Variants in KCNK3 observed in about 807,000 individuals in gnomAD.
The protein encoded by KCNK3 is potassium two pore domain channel subfamily K member 3.
In KCNK3, 9 loss-of-function variants were observed where a neutral mutation model predicts 27.3. That is an observed-to-expected ratio of 0.33 (90% CI 0.20 to 0.57). The LOEUF (loss-of-function observed/expected upper bound fraction) is 0.57, where lower values mean the gene tolerates loss of function less well. KCNK3 is among the 20% of genes least tolerant of loss of function. The probability of loss-of-function intolerance (pLI) is 0.87; values close to 1 mark genes in which losing one functional copy is unlikely to be tolerated. For synonymous variants in KCNK3, 278 were observed against 273.8 expected, an observed-to-expected ratio of 1.02 and a Z score of -0.15; for missense variants, 391 against 577.7, an observed-to-expected ratio of 0.68 and a Z score of 3.31.
chr2:26,711,541 C>T (rs935033837), intron 1 of KCNK3, among the ~76,000 whole-genome samples: 4 of 152,078 alleles, frequency 2.6e-5, no homozygotes, highest in African/African-American at 9.7e-5. Flanking sequence ...TGAAGGGAGG[C>T]AGTATAGGGG....
intron 1 of KCNK3, among the ~76,000 whole-genome samples, chr2:26,696,891 T>C (rs1670241806): frequency 6.6e-6 from 1 of 152,186 alleles, no homozygotes; most frequent in African/African-American, 2.4e-5. Context: ...TTCTACTTGT[T>C]CAGGATACTT....
rs1458033395 is a variant in KCNK3, at chr2:26,729,263, T to G, written c.*695T>G. 6.6e-6 allele frequency: 1 copy of G among 152,314 alleles called. No homozygotes were observed. Among genetic ancestry groups the G allele is most frequent in the Non-Finnish European group, 1.5e-5 (1 of 68,060 alleles). 9.4% of individuals were successfully genotyped at this position (152,314 alleles called of 1,614,324 possible). A position where few individuals can be genotyped will look rare whatever the true frequency, so the allele number is the denominator to read the frequency against. ...GGTCGCACTGGAGGTTCAAGCTAAC[T>G]GGCCTCCAGCCACATTCTCATAGCA... On this transcript the variant is annotated 3_prime_UTR_variant, in exon 2 of 2. Transcript: ENST00000302909.
intron 1 of KCNK3, among the ~76,000 whole-genome samples, chr2:26,714,231 TG>T (rs1663183746): frequency 6.6e-6 from 1 of 151,878 alleles, no homozygotes; most frequent in Non-Finnish European, 1.5e-5. Flanking sequence ...TAGCAAGAGA[TG>T]GGCTCAGAGA....
At chr2:26,709,781 C>A (rs1663070217) in intron 1 of KCNK3, among the ~76,000 whole-genome samples, 1 of 152,196 alleles carries the variant, frequency 6.6e-6, no homozygotes, top group Non-Finnish European at 1.5e-5. Context: ...ATCCCTCAAG[C>A]AAATGAGGCC....
rs1176519224 is a variant in KCNK3, at chr2:26,692,778, G to A, written c.-98G>A. 6 of 635,200 alleles carry A rather than the reference G, an allele frequency of 9.4e-6. No individual in the cohort carries two copies. Among genetic ancestry groups the A allele is most frequent in the African/African-American group, 2.0e-5 (1 of 50,048 alleles). 39.3% of individuals were successfully genotyped at this position (635,200 alleles called of 1,614,324 possible). A position where few individuals can be genotyped will look rare whatever the true frequency, so the allele number is the denominator to read the frequency against. ...CCCGGCGCGGAGAGCGGCGAGCGCA[G>A]CCATGCCCCAGGCCGCCTCCGGGGC... On this transcript the variant is annotated 5_prime_UTR_variant, in exon 1 of 2. Transcript: ENST00000302909. This position sits in a 1 kb window ranked among gnomAD's most constrained non-coding sequence, Gnocchi z 5.6.
chr2:26,704,846 C>G (rs541119599), intron 1 of KCNK3, among the ~76,000 whole-genome samples: 19 of 152,386 alleles, frequency 1.2e-4, no homozygotes, highest in Non-Finnish European at 1.0e-4. Context: ...GAGCCTGCCT[C>G]TGTTACCACA....
Position 26,721,449 on chromosome 2 carries a change from T to C in KCNK3, c.284-6218T>C, listed in dbSNP as rs1239828964. Among the ~76,000 whole-genome samples, 1 of 151,980 alleles carries C rather than the reference T, an allele frequency of 6.6e-6. No individual in the cohort carries two copies. The highest frequency in any genetic ancestry group is 1.5e-5 in the Non-Finnish European group (1 of 67,982). ...CAGAAGCTAGGCTCCTTCCGCCTCA[T>C]CTCCTTTAACATGCCAATTAGGCTC... On this transcript the variant is annotated intron_variant, in intron 1 of 1. Transcript: ENST00000302909. This position sits in a 1 kb window ranked among gnomAD's most constrained non-coding sequence, Gnocchi z 4.3.
rs1051124649 is a variant in KCNK3 at position 26,693,452 on chromosome 2, C to A, written c.283+294C>A. 3.3e-5 allele frequency among the ~76,000 whole-genome samples: 5 copies of A among 152,342 alleles called. No individual in the cohort carries two copies. The highest frequency in any genetic ancestry group is 3.4e-3 in the Middle Eastern group (1 of 294). ...CCGAAGTGTGTGAGAGGGGCAGGGA[C>A]GACCGGCGGAGGCTCGGGCAGGAGG... On this transcript the variant is annotated intron_variant, in intron 1 of 1. Coordinates refer to ENST00000302909, the MANE Select transcript of KCNK3 (RefSeq NM_002246.3). This position sits in a 1 kb window ranked among gnomAD's most constrained non-coding sequence, Gnocchi z 5.5.
intron 1 of KCNK3, among the ~76,000 whole-genome samples, chr2:26,720,419 TG>T (rs1435911893): frequency 3.9e-5 from 6 of 152,176 alleles, no homozygotes; most frequent in African/African-American, 1.4e-4. Flanking sequence ...CAGAAGGAGC[TG>T]GCCAGGGAGG....
Position 26,728,384 on chromosome 2 carries a change from C to A in KCNK3, c.1001C>A (p.Ser334Tyr), listed in dbSNP as rs1271282222. The change falls in exon 2 of 2, where the codon TCC becomes TAC. Residue 334 changes from serine (S) to tyrosine (Y), a missense_variant. By Grantham distance (144) the Ser-to-Tyr change is moderately radical (BLOSUM62 -2). This residue lies in a region of KCNK3 where 192 missense variants were observed against 196.0 expected (regional missense o/e 0.98). Coordinates refer to ENST00000302909, the MANE Select transcript of KCNK3 (RefSeq NM_002246.3). ...SIPMIIPRDLSTSDTCVEQSH... is the reference protein window; with the variant it reads ...SIPMIIPRDLYTSDTCVEQSH... Reference sequence around the variant, plus strand: ...CCCATGATCATCCCGCGGGACCTCTCCACGTCCGACACGTGCGTGGAGCAG... The same window carrying A: ...CCCATGATCATCCCGCGGGACCTCTACACGTCCGACACGTGCGTGGAGCAG... 1 of 1,607,706 alleles carries A rather than the reference C, an allele frequency of 6.2e-7. No homozygotes were observed. The highest frequency in any genetic ancestry group is 1.1e-5 in the South Asian group (1 of 90,296).
intron 1 of KCNK3, among the ~76,000 whole-genome samples, chr2:26,720,669 T>C (rs980710860): frequency 6.8e-6 from 1 of 146,208 alleles, no homozygotes; most frequent in African/African-American, 2.6e-5. Flanking sequence ...GGCCCAAGAG[T>C]GGGGAGTCCA....
intron 1 of KCNK3, among the ~76,000 whole-genome samples, chr2:26,694,547 G>C (rs754944973): frequency 6.6e-6 from 1 of 152,152 alleles, no homozygotes; most frequent in Admixed American, 6.5e-5. Context: ...ATGCTGTGTC[G>C]TTTCTGGATT....
chr2:26,698,741 C>A (rs1670266128), intron 1 of KCNK3, among the ~76,000 whole-genome samples: 1 of 152,162 alleles, frequency 6.6e-6, no homozygotes, highest in Non-Finnish European at 1.5e-5. Flanking sequence ...CATCTCCCCG[C>A]TCCTCAGCCA....
intron 1 of KCNK3, among the ~76,000 whole-genome samples, chr2:26,694,202 G>C (rs1308690318): frequency 6.6e-6 from 1 of 152,114 alleles, no homozygotes; most frequent in African/African-American, 2.4e-5. Flanking sequence ...GACAAGGAGG[G>C]GTGGCCAAAA....
chr2:26,710,848 C>G (rs1014143772), intron 1 of KCNK3, among the ~76,000 whole-genome samples: 1 of 152,216 alleles, frequency 6.6e-6, no homozygotes, highest in Admixed American at 6.5e-5. Context: ...CTCCCGAAAG[C>G]CTGACAGGGG....
chr2:26,694,949 C>T (rs1034415014), intron 1 of KCNK3, among the ~76,000 whole-genome samples: 37 of 152,148 alleles, frequency 2.4e-4, no homozygotes, highest in African/African-American at 8.7e-4. Context: ...AGGCATGCTC[C>T]CCTGGACAAT....
intron 1 of KCNK3, 49 bp from the exon 2 acceptor site, chr2:26,727,618 G>A: frequency 2.6e-6 from 4 of 1,511,642 alleles, no homozygotes; most frequent in Non-Finnish European, 3.5e-6. Flanking sequence ...TTTCTGGAAG[G>A]GCAGCCCCAA....
chr2:26,717,205 C>A (rs1193179979), intron 1 of KCNK3, among the ~76,000 whole-genome samples: 1 of 152,200 alleles, frequency 6.6e-6, no homozygotes, highest in Non-Finnish European at 1.5e-5. Context: ...ACCCTCTGGG[C>A]CCCGCCCTGC....
At chr2:26,719,697 C>T (rs1270757523) in intron 1 of KCNK3, among the ~76,000 whole-genome samples, 1 of 152,204 alleles carries the variant, frequency 6.6e-6, no homozygotes, top group Non-Finnish European at 1.5e-5. Context: ...TCAGGGACCT[C>T]ATCAATAGAT....
Sources: allele counts gnomAD v4.1 joint callset (sites outside exome capture counted in the v4.1 genomes callset), GRCh38; gene constraint gnomAD v4.1.1; regional missense constraint gnomAD v4.1.1; non-coding constraint Gnocchi (gnomAD v3.1); transcripts MANE v1.5; gene names NCBI Gene and HGNC (gene_info 2026-07-23, HGNC 2026-07-21).